The following NKAIN2 variants were observed in gnomAD, a reference collection of about 807,000 sequenced individuals.
The protein encoded by NKAIN2 is sodium/potassium-transporting ATPase subunit beta-1-interacting protein 2.
NKAIN2 carries 14 observed loss-of-function variants against 32.6 expected under a neutral mutation model. The observed-to-expected ratio is 0.43, with a 90% confidence interval of 0.28 to 0.67. The LOEUF (loss-of-function observed/expected upper bound fraction) is 0.67, where lower values mean the gene tolerates loss of function less well. NKAIN2 is among the 30% of genes least tolerant of loss of function. The probability of loss-of-function intolerance (pLI) is 0.17; values close to 1 mark genes in which losing one functional copy is unlikely to be tolerated. For synonymous variants in NKAIN2, 80 were observed against 87.2 expected (o/e 0.92, Z 0.46); for missense variants, 198 against 258.3 (o/e 0.77, Z 1.60).
chr6:124,146,969 G>A (rs1315549930), intron 1 of NKAIN2, among the ~76,000 whole-genome samples: 1 of 152,116 alleles, frequency 6.6e-6, no homozygotes, highest in African/African-American at 2.4e-5. Context: ...TAAACTGGGT[G>A]ATAGTTACAA....
rs1280304990 is a variant in NKAIN2, at chr6:124,157,684, C to T, written c.55-125321C>T. Among the ~76,000 whole-genome samples the T allele has an allele frequency of 2.0e-5, 3 of 152,180 alleles. No homozygotes were observed. The East Asian group carries it at 5.8e-4, about 29-fold the overall frequency. ...TTTTAAACTTTCCCATTAAGTGGCTCTAACACTCAGCCTTTTGAGATTTAA... is the reference window on the plus strand; with the variant it reads ...TTTTAAACTTTCCCATTAAGTGGCTTTAACACTCAGCCTTTTGAGATTTAA... On this transcript the variant is annotated intron_variant, in intron 1 of 6. Transcript: ENST00000368417.
chr6:123,850,342 G>T (rs1395424318), intron 1 of NKAIN2, among the ~76,000 whole-genome samples: 1 of 129,058 alleles, frequency 7.7e-6, no homozygotes, highest in African/African-American at 3.0e-5. Flanking sequence ...GCAAGCTGCT[G>T]AAAAAAAAAA....
chr6:124,178,244 C>A (rs1221531626), intron 1 of NKAIN2, among the ~76,000 whole-genome samples: 1 of 152,016 alleles, frequency 6.6e-6, no homozygotes, highest in African/African-American at 2.4e-5. Flanking sequence ...TTTATCAGAC[C>A]CCCCAGTTTC....
At chr6:124,424,902 C>A (rs1378893841) in intron 3 of NKAIN2, among the ~76,000 whole-genome samples, 2 of 152,104 alleles carry the variant, frequency 1.3e-5, no homozygotes, top group African/African-American at 4.8e-5. Flanking sequence ...ATATTGGTTT[C>A]TTTTCCTTTG....
chr6:124,383,302 G>C (rs988123331), intron 3 of NKAIN2, among the ~76,000 whole-genome samples: 1 of 152,094 alleles, frequency 6.6e-6, no homozygotes, highest in African/African-American at 2.4e-5. Context: ...CCCAGAGTTT[G>C]ACTCTCTCCA....
At chr6:124,394,971 ATAT>A (rs58519201) in intron 3 of NKAIN2, among the ~76,000 whole-genome samples, 1,710 of 152,262 alleles carry the variant, frequency 0.011, 24 homozygotes, top group African/African-American at 0.039. Flanking sequence ...AAGAGTGATA[ATAT>A]GGGCTTGGAC....
At chr6:124,170,676 A>G (rs964870439) in intron 1 of NKAIN2, among the ~76,000 whole-genome samples, 8 of 152,180 alleles carry the variant, frequency 5.3e-5, no homozygotes, top group Admixed American at 3.3e-4. Context: ...TTTGGCCTCA[A>G]TGAAGCCACT....
chr6:124,332,967 C>T (rs1157308268), intron 2 of NKAIN2, among the ~76,000 whole-genome samples: 1 of 152,148 alleles, frequency 6.6e-6, no homozygotes, highest in African/African-American at 2.4e-5. Context: ...AAGACTTAAA[C>T]TCAGGTCTCC....
intron 1 of NKAIN2, among the ~76,000 whole-genome samples, chr6:124,279,794 T>C (rs1795210904): frequency 6.6e-6 from 1 of 152,056 alleles, no homozygotes; most frequent in African/African-American, 2.4e-5. Flanking sequence ...GAATACTCAA[T>C]CTAATCCATC....
At chr6:124,285,475 T>C (rs574747475) in intron 2 of NKAIN2, among the ~76,000 whole-genome samples, 1 of 152,240 alleles carries the variant, frequency 6.6e-6, no homozygotes, top group East Asian at 1.9e-4. Context: ...TGGCAGTAAA[T>C]TCCATGAGTC....
chr6:124,076,456 T>C (rs1783700118), intron 1 of NKAIN2, among the ~76,000 whole-genome samples: 1 of 152,116 alleles, frequency 6.6e-6, no homozygotes, highest in South Asian at 2.1e-4. Context: ...GGATTGAAGG[T>C]CTCTATTTTG....
At chr6:124,685,084 T>C (rs1311680106) in intron 4 of NKAIN2, among the ~76,000 whole-genome samples, 1 of 152,164 alleles carries the variant, frequency 6.6e-6, no homozygotes, top group Non-Finnish European at 1.5e-5. Flanking sequence ...TTTGCACTTA[T>C]CACATGGTAT....
At chr6:124,055,196 A>G (rs1782590511) in intron 1 of NKAIN2, among the ~76,000 whole-genome samples, 1 of 152,030 alleles carries the variant, frequency 6.6e-6, no homozygotes, top group Non-Finnish European at 1.5e-5. Flanking sequence ...AGATTTTGGT[A>G]ATCCTTTCCC....
chr6:124,572,060 G>A (rs529680180), intron 3 of NKAIN2, among the ~76,000 whole-genome samples: 6 of 152,000 alleles, frequency 3.9e-5, no homozygotes, highest in Non-Finnish European at 7.4e-5. Flanking sequence ...AGACATTTTC[G>A]GAGTCCTCTA....
At chr6:124,637,876 AT>A (rs1783831747) in intron 3 of NKAIN2, among the ~76,000 whole-genome samples, 1 of 152,192 alleles carries the variant, frequency 6.6e-6, no homozygotes, top group Non-Finnish European at 1.5e-5. Context: ...CTATCAAAAT[AT>A]CAATGACATT....
intron 1 of NKAIN2, among the ~76,000 whole-genome samples, chr6:123,931,846 T>A (rs1776266097): frequency 6.6e-6 from 1 of 152,130 alleles, no homozygotes; most frequent in South Asian, 2.1e-4. Flanking sequence ...CCAATGCACA[T>A]CTTAAAAATG....
intron 4 of NKAIN2, among the ~76,000 whole-genome samples, chr6:124,749,672 C>T (rs1393521602): frequency 2.6e-5 from 4 of 151,910 alleles, no homozygotes; most frequent in Non-Finnish European, 5.9e-5. Context: ...CCCACATGCT[C>T]TTTCAATCCC....
At chr6:124,150,947 C>T (rs1787683906) in intron 1 of NKAIN2, among the ~76,000 whole-genome samples, 1 of 152,018 alleles carries the variant, frequency 6.6e-6, no homozygotes, top group Non-Finnish European at 1.5e-5. Flanking sequence ...TTGTAAGTAA[C>T]ATTTGTAATT....
At chr6:124,142,871 A>G (rs1173938490) in intron 1 of NKAIN2, among the ~76,000 whole-genome samples, 4 of 152,200 alleles carry the variant, frequency 2.6e-5, no homozygotes, top group Non-Finnish European at 5.9e-5. Flanking sequence ...TTTATCAATG[A>G]CAAATTTTGT....
Sources: gnomAD v4.1 joint callset for allele counts (sites outside exome capture counted in the v4.1 genomes callset) on GRCh38, gnomAD v4.1.1 for gene constraint, MANE v1.5 for transcripts, NCBI Gene and HGNC (gene_info 2026-07-23, HGNC 2026-07-21) for gene names.